Variants in FUT8 observed in about 807,000 individuals in gnomAD.
The protein encoded by FUT8 is fucosyltransferase 8.
A neutral mutation model predicts 71.3 loss-of-function variants in FUT8; 29 were observed. The observed-to-expected ratio is 0.41, with a 90% CI of 0.30 to 0.55. The LOEUF (loss-of-function observed/expected upper bound fraction) is 0.55. Ranked by LOEUF, FUT8 falls within the 20% of genes least tolerant of loss-of-function variation. The pLI is 0.34. For missense variants in FUT8, 544 were observed against 702.1 expected, an observed-to-expected ratio of 0.77 and a Z score of 2.55; for synonymous variants, 254 against 239.3, an observed-to-expected ratio of 1.06 and a Z score of -0.57.
At chr14:65,618,837 T>C (rs1013164891) in intron 5 of FUT8, among the ~76,000 whole-genome samples, 1 of 152,186 alleles carries the variant, frequency 6.6e-6, no homozygotes, top group Non-Finnish European at 1.5e-5. Context: ...CACCTGGGTA[T>C]GGGCCTGCCT....
chr14:65,438,095 G>A (rs761186709), intron 1 of FUT8, among the ~76,000 whole-genome samples: 2 of 152,134 alleles, frequency 1.3e-5, no homozygotes, highest in African/African-American at 4.8e-5. Context: ...ATAAGAAGTT[G>A]TCTAAAGTAA....
At chr14:65,387,964 T>A in the FUT8 span, among the ~76,000 whole-genome samples, 2 of 152,204 alleles carry the variant, frequency 1.3e-5, no homozygotes, top group Admixed American at 1.3e-4. Flanking sequence ...AGCCAGAGTA[T>A]GATCATGGCC....
At chr14:65,544,847 G>A (rs540746559) in intron 2 of FUT8, among the ~76,000 whole-genome samples, 2 of 152,168 alleles carry the variant, frequency 1.3e-5, no homozygotes, top group Admixed American at 6.5e-5. Flanking sequence ...TGATAGATGA[G>A]TATAAGTAAT....
chr14:65,465,476 A>G (rs1251519718), intron 2 of FUT8, among the ~76,000 whole-genome samples: 1 of 152,112 alleles, frequency 6.6e-6, no homozygotes, highest in Non-Finnish European at 1.5e-5. Flanking sequence ...CCGGCCATAA[A>G]TTTTGGTGTT....
At chr14:65,459,859 CATTTT>C (rs2065947055) in intron 2 of FUT8, among the ~76,000 whole-genome samples, 1 of 151,948 alleles carries the variant, frequency 6.6e-6, no homozygotes, top group Non-Finnish European at 1.5e-5. Context: ...AAAAAAATAG[CATTTT>C]ATTTTAAAGT....
At chr14:65,551,036 T>G (rs1885254435) in intron 2 of FUT8, among the ~76,000 whole-genome samples, 1 of 152,218 alleles carries the variant, frequency 6.6e-6, no homozygotes, top group Non-Finnish European at 1.5e-5. Flanking sequence ...TGATATATAA[T>G]GCCGTATTAC....
chr14:65,394,758 T>C, the FUT8 span, among the ~76,000 whole-genome samples: 1 of 151,112 alleles, frequency 6.6e-6, no homozygotes, highest in South Asian at 2.1e-4. Context: ...ATCTTTTTTT[T>C]TTTTTTTTTT....
At chr14:65,583,833 C>T (rs1423169271) in intron 3 of FUT8, among the ~76,000 whole-genome samples, 1 of 152,122 alleles carries the variant, frequency 6.6e-6, no homozygotes, top group African/African-American at 2.4e-5. Flanking sequence ...TTTAGGAAGA[C>T]AGCAATTTAT....
chr14:65,544,288 C>T (rs1884858599), intron 2 of FUT8, among the ~76,000 whole-genome samples: 1 of 152,120 alleles, frequency 6.6e-6, no homozygotes, highest in Non-Finnish European at 1.5e-5. Flanking sequence ...GTACAAATCA[C>T]TTTTATGCAT....
At chr14:65,741,435 AG>A (rs1282457289) in intron 10 of FUT8, among the ~76,000 whole-genome samples, 1 of 151,994 alleles carries the variant, frequency 6.6e-6, no homozygotes, top group Non-Finnish European at 1.5e-5. Flanking sequence ...GGGAGCGGGG[AG>A]GGATAGCATT....
At chr14:65,482,061 A>T (rs1375388819) in intron 2 of FUT8, among the ~76,000 whole-genome samples, 1 of 152,086 alleles carries the variant, frequency 6.6e-6, no homozygotes, top group Non-Finnish European at 1.5e-5. Context: ...TGTATCTAAG[A>T]TATATTTGCC....
intron 1 of FUT8, among the ~76,000 whole-genome samples, chr14:65,418,302 A>G (rs916737684): frequency 7.9e-5 from 12 of 152,232 alleles, no homozygotes; most frequent in African/African-American, 2.7e-4. Context: ...AAGACTTTCA[A>G]TGGACAATGA....
At chr14:65,675,143 T>C (rs979477989) in intron 7 of FUT8, among the ~76,000 whole-genome samples, 1 of 152,214 alleles carries the variant, frequency 6.6e-6, no homozygotes, top group Non-Finnish European at 1.5e-5. Flanking sequence ...AAGTCTATGG[T>C]ATCTCATTAA....
chr14:65,676,313 A>G (rs754252270), intron 7 of FUT8, among the ~76,000 whole-genome samples: 2 of 152,168 alleles, frequency 1.3e-5, no homozygotes, highest in Non-Finnish European at 2.9e-5. Flanking sequence ...AAAATCTCCT[A>G]AAGTCTATTT....
intron 2 of FUT8, among the ~76,000 whole-genome samples, chr14:65,481,594 G>A (rs2066331629): frequency 6.6e-6 from 1 of 151,944 alleles, no homozygotes; most frequent in South Asian, 2.1e-4. Context: ...TTGCCCCCTT[G>A]TAATCTTTTC....
At chr14:65,450,672 G>A (rs377089957) in intron 1 of FUT8, among the ~76,000 whole-genome samples, 4 of 152,036 alleles carry the variant, frequency 2.6e-5, no homozygotes, top group African/African-American at 7.2e-5. Context: ...TTTTTCTTAC[G>A]TTGGGTTTTT....
chr14:65,571,913 A>G (rs548431531), intron 3 of FUT8, among the ~76,000 whole-genome samples: 116 of 152,266 alleles, frequency 7.6e-4, no homozygotes, highest in African/African-American at 2.7e-3. Flanking sequence ...AACTCAATAT[A>G]TGAAAATCTA....
At position 65,742,418 on chromosome 14, in the gene FUT8, A is replaced by G. The variant is rs758360945; in HGVS notation, c.*8A>G. ...CCTGAGGCTGAGAAATAAAGCTCAG[A>G]TGGAAGAGATAAACGACCAAACTCA... On this transcript the variant is annotated 3_prime_UTR_variant, in exon 11 of 11. Coordinates refer to ENST00000673929, the MANE Select transcript of FUT8 (RefSeq NM_001371533.1). The G allele has an allele frequency of 3.7e-6, 6 of 1,606,158 alleles. No individual in the cohort carries two copies. The highest frequency in any genetic ancestry group is 2.2e-5 in the East Asian group (1 of 44,692).
chr14:65,589,881 A>G (rs964859895), intron 3 of FUT8, among the ~76,000 whole-genome samples: 4 of 152,202 alleles, frequency 2.6e-5, no homozygotes, highest in Non-Finnish European at 4.4e-5. Context: ...TCATTTTTTA[A>G]AAGATGATGC....
Sources: allele counts gnomAD v4.1 joint callset (sites outside exome capture counted in the v4.1 genomes callset), GRCh38; gene constraint gnomAD v4.1.1; transcripts MANE v1.5; gene names NCBI Gene and HGNC (gene_info 2026-07-23, HGNC 2026-07-21).